Variants in LRP8 observed in about 807,000 individuals in gnomAD.
The protein encoded by LRP8 is LDL receptor related protein 8, also known as low-density lipoprotein receptor-related protein 8.
In LRP8, 46 loss-of-function variants were observed where a neutral mutation model predicts 111.6. The observed-to-expected ratio is 0.41, with a 90% CI of 0.33 to 0.53. The LOEUF (loss-of-function observed/expected upper bound fraction) is 0.53, where lower values mean the gene tolerates loss of function less well. LRP8 is among the 20% of genes least tolerant of loss of function. The probability of loss-of-function intolerance (pLI) is 0.20; values close to 1 mark genes in which losing one functional copy is unlikely to be tolerated. For synonymous variants in LRP8, 464 were observed against 511.2 expected (o/e 0.91, Z 1.24); for missense variants, 959 against 1,297.4 (o/e 0.74, Z 4.01).
At chr1:53,315,689 C>A (rs1477071767) in intron 2 of LRP8, among the ~76,000 whole-genome samples, 1 of 152,158 alleles carries the variant, frequency 6.6e-6, no homozygotes, top group Non-Finnish European at 1.5e-5. Context: ...ACCAAATGGG[C>A]CTGGAAGGGG....
chr1:53,286,682 G>A (rs943683618), intron 3 of LRP8, among the ~76,000 whole-genome samples: 2 of 152,234 alleles, frequency 1.3e-5, no homozygotes, highest in Admixed American at 1.3e-4. Flanking sequence ...AGAAACCCCA[G>A]CCAGCTAGGG....
At chr1:53,251,862 G>A (rs1645906346) in intron 16 of LRP8, among the ~76,000 whole-genome samples, 1 of 151,580 alleles carries the variant, frequency 6.6e-6, no homozygotes, top group Non-Finnish European at 1.5e-5. Context: ...TGGCCAACAT[G>A]GCGAAAACCC....
chr1:53,255,127 G>A lies in LRP8; in HGVS notation c.2493C>T (p.Ile831=), dbSNP rs749889168. ...GGGGGCCACACTCACCTATGGGCAC[G>A]ATGATCCCGATAACAGCGGCAGTGA... The part of the protein sequence containing the change: ...STVTAAVIGI[I]VPIVVIALLC... The change falls in exon 16 of 19, where the codon ATC becomes ATT. Residue 831 remains isoleucine, a synonymous_variant. Coordinates refer to ENST00000306052, the MANE Select transcript of LRP8 (RefSeq NM_004631.5). The A allele has an allele frequency of 3.7e-6, 6 of 1,613,404 alleles. No individual in the cohort carries two copies. Among genetic ancestry groups the A allele is most frequent in the East Asian group, 4.5e-5 (2 of 44,876 alleles).
intron 2 of LRP8, among the ~76,000 whole-genome samples, chr1:53,323,541 C>T (rs1389330861): frequency 1.3e-5 from 2 of 152,400 alleles, no homozygotes; most frequent in African/African-American, 2.4e-5. Context: ...AGGAATCCCA[C>T]CCGACTTCCC....
intron 2 of LRP8, chr1:53,306,052 C>G (rs539025276): frequency 6.6e-6 from 1 of 152,322 alleles, no homozygotes; most frequent in Admixed American, 6.5e-5. Flanking sequence ...TTTCCACGAC[C>G]CCATGTGGGA....
At chr1:53,326,639 G>A (rs1427083222) in intron 2 of LRP8, among the ~76,000 whole-genome samples, 1 of 152,160 alleles carries the variant, frequency 6.6e-6, no homozygotes, top group Non-Finnish European at 1.5e-5. Flanking sequence ...CACACTGCCC[G>A]GGGCTCCGCC....
rs1302208314 is a variant in LRP8 at position 53,249,403 on chromosome 1, C to T, written c.2830G>A (p.Glu944Lys). The T allele has an allele frequency of 1.4e-5, 23 of 1,614,018 alleles. No homozygotes were observed. Among genetic ancestry groups the T allele is most frequent in the East Asian group, 6.7e-5 (3 of 44,892 alleles). ...LHQLPKNPLS[E>K]LPVVKSKRVA... Reference sequence around the variant, plus strand: ...ACCTTGGATTTGACGACAGGCAGCTCGGAAAGAGGGTTCTTCGGGAGTTGG... The same window carrying T: ...ACCTTGGATTTGACGACAGGCAGCTTGGAAAGAGGGTTCTTCGGGAGTTGG... The change falls in exon 18 of 19, where the codon GAG becomes AAG. Residue 944 changes from glutamate to lysine, a missense_variant. By Grantham distance (56) the Glu-to-Lys change is moderately conservative. Transcript: ENST00000306052. The surrounding 1 kb of genome is among the most constrained non-coding windows in gnomAD (Gnocchi z 4.1).
chr1:53,310,160 C>T (rs943194514), intron 2 of LRP8, among the ~76,000 whole-genome samples: 10 of 152,040 alleles, frequency 6.6e-5, no homozygotes, highest in Non-Finnish European at 1.2e-4. Flanking sequence ...GTCTTGGTGT[C>T]AGGGATCCAT....
chr1:53,272,001 T>A (rs1646773357), intron 6 of LRP8, among the ~76,000 whole-genome samples: 1 of 152,002 alleles, frequency 6.6e-6, no homozygotes, highest in Non-Finnish European at 1.5e-5. Context: ...TCCATGTCCC[T>A]GTCTGGACAG....
Position 53,289,551 on chromosome 1 carries a change from G to A in LRP8, c.367+16C>T, listed in dbSNP as rs1220490173. ...ACTGAGGCCCACCCCCACCCAGACT[G>A]AGGGGCAGGACTCACTGCAAGTGGC... On this transcript the variant is annotated intron_variant, in intron 3 of 18. Coordinates refer to ENST00000306052, the MANE Select transcript of LRP8 (RefSeq NM_004631.5). 2 of 1,587,964 alleles carry A rather than the reference G, an allele frequency of 1.3e-6. No homozygotes were observed. The highest frequency in any genetic ancestry group is 1.7e-6 in the Non-Finnish European group (2 of 1,164,502).
intron 13 of LRP8, 45 bp from the exon 14 acceptor site, chr1:53,258,516 C>G: frequency 6.3e-7 from 1 of 1,586,562 alleles, no homozygotes; most frequent in Non-Finnish European, 8.6e-7. Context: ...CAGGACATGC[C>G]AGGTCTTCCT....
In LRP8 at chr1:53,294,670, A is replaced by C. The variant is rs1464426632; in HGVS notation, c.245-4981T>G. Among the ~76,000 whole-genome samples, 1 of 152,162 alleles carries C rather than the reference A, an allele frequency of 6.6e-6. No individual in the cohort carries two copies. Among genetic ancestry groups the C allele is most frequent in the Non-Finnish European group, 1.5e-5 (1 of 68,008 alleles). On this transcript the variant is annotated intron_variant, in intron 2 of 18. Transcript: ENST00000306052. This position sits in a 1 kb window ranked among gnomAD's most constrained non-coding sequence, Gnocchi z 4.1. The stretch of plus-strand genomic sequence containing the variant: ...TGTGTAACACTGGGCCCATCCGTCA[A>C]ACCTTCTGAGCTTGCCTCCTCCTCA...
Position 53,276,773 on chromosome 1 carries a change from G to T in LRP8, c.802C>A (p.Arg268Ser), listed in dbSNP as rs1483021044. The change falls in exon 5 of 19, where the codon CGC (arginine) becomes AGC (serine). Residue 268 changes from arginine (R) to serine (S), a missense_variant. Arg to Ser is a moderately radical substitution (Grantham distance 110, BLOSUM62 -1). Around this residue, in one of 3 missense-constraint regions of LRP8, gnomAD observed 819 missense variants for 1,097.6 expected, o/e 0.75. Coordinates refer to ENST00000306052, the MANE Select transcript of LRP8 (RefSeq NM_004631.5). ...CCCAGGTGCACGCACTCGCCGCTGC[G>T]GCAGGCGAACTGGGAGGCGGTGGCG... Reference protein sequence around the residue: ...ACATASQFACRSGECVHLGWR... With the variant: ...ACATASQFACSSGECVHLGWR... 12 of 1,420,744 alleles carry T rather than the reference G, an allele frequency of 8.4e-6. No individual in the cohort carries two copies. The East Asian group carries it at 1.6e-4, about 19-fold the overall frequency. 88.0% of individuals were successfully genotyped at this position (1,420,744 alleles called of 1,614,324 possible).
chr1:53,313,162 C>A (rs1653312311), intron 2 of LRP8, among the ~76,000 whole-genome samples: 1 of 152,216 alleles, frequency 6.6e-6, no homozygotes, highest in African/African-American at 2.4e-5. Context: ...CAGAAAAGGT[C>A]ACACATTAAG....
chr1:53,258,934 TA>T (rs1481640009), intron 13 of LRP8, among the ~76,000 whole-genome samples: 1 of 152,222 alleles, frequency 6.6e-6, no homozygotes, highest in East Asian at 1.9e-4. Context: ...TTACTTAGAA[TA>T]ATGGCTTCCA....
chr1:53,307,781 T>A (rs2100514035), intron 2 of LRP8, among the ~76,000 whole-genome samples: 1 of 152,356 alleles, frequency 6.6e-6, no homozygotes, highest in East Asian at 1.9e-4. Context: ...ATTAATTTTT[T>A]AAAATTCTAG....
intron 2 of LRP8, among the ~76,000 whole-genome samples, chr1:53,324,341 C>G (rs896321789): frequency 6.6e-6 from 1 of 152,210 alleles, no homozygotes; most frequent in Non-Finnish European, 1.5e-5. Flanking sequence ...CCCAACACAG[C>G]CACGTAAGCC....
chr1:53,251,221 C>T (rs1353275602), intron 16 of LRP8, among the ~76,000 whole-genome samples: 1 of 152,132 alleles, frequency 6.6e-6, no homozygotes, highest in South Asian at 2.1e-4. Flanking sequence ...AAACTCTCTA[C>T]GCCCAGTTCC....
At chr1:53,324,579 T>C (rs1004467707) in intron 2 of LRP8, among the ~76,000 whole-genome samples, 1 of 152,184 alleles carries the variant, frequency 6.6e-6, no homozygotes, top group Admixed American at 6.5e-5. Context: ...GCCGCCACCC[T>C]TTCCACTCCA....
Sources: allele counts gnomAD v4.1 joint callset (sites outside exome capture counted in the v4.1 genomes callset), GRCh38; gene constraint gnomAD v4.1.1; regional missense constraint gnomAD v4.1.1; non-coding constraint Gnocchi (gnomAD v3.1); transcripts MANE v1.5; gene names NCBI Gene and HGNC (gene_info 2026-07-23, HGNC 2026-07-21).